ZNF177: variants seen among roughly 807,000 people sequenced by gnomAD.
The protein encoded by ZNF177 is zinc finger protein 177.
ZNF177 carries 17 observed loss-of-function variants against 19.4 expected under a neutral mutation model. That is an observed-to-expected ratio of 0.87 (90% CI 0.60 to 1.31). The LOEUF is 1.31. ZNF177 is among the 40% of genes most tolerant of loss of function. ZNF177 has a pLI of 0.00. For synonymous variants in ZNF177, 220 were observed against 188.7 expected, an observed-to-expected ratio of 1.17 and a Z score of -1.36; for missense variants, 633 against 561.8, an observed-to-expected ratio of 1.13 and a Z score of -1.28.
chr19:9,371,892 AAACT>A (rs797021074), upstream of ZNF177: 5 of 152,316 alleles, frequency 3.3e-5, no homozygotes, highest in African/African-American at 1.2e-4. Context: ...ATTGTTTTTT[AAACT>A]AACCATTTTA....
exon 6 of ZNF177, chr19:9,382,120 G>C (rs1230103051): frequency 5.0e-6 from 2 of 397,044 alleles, no homozygotes; most frequent in South Asian, 1.1e-4. Flanking sequence ...GTGGCAGACA[G>C]AACTAGTTGC....
At chr19:9,377,974 A>G (rs1407514095) in intron 1 of ZNF177, among the ~76,000 whole-genome samples, 1 of 152,166 alleles carries the variant, frequency 6.6e-6, no homozygotes, top group Non-Finnish European at 1.5e-5. Flanking sequence ...GTCACGGGTA[A>G]ATGATATTCA....
intron 1 of ZNF177, chr19:9,363,435 G>C (rs1233617666): frequency 8.5e-5 from 13 of 152,252 alleles, no homozygotes. Flanking sequence ...TTGTTAGAAG[G>C]CATATCTTGG....
chr19:9,381,711 C>CT lies in ZNF177; in HGVS notation c.1383dup (p.Ser462Ter). The CT allele has an allele frequency of 1.2e-6, 2 of 1,614,056 alleles. No homozygotes were observed. The highest frequency in any genetic ancestry group is 1.6e-4 in the Middle Eastern group (1 of 6,062). On this transcript the variant is annotated frameshift_variant, in exon 6 of 6. Coordinates refer to ENST00000589262, the Ensembl canonical transcript of ZNF177. LOFTEE classifies it low-confidence loss of function (END_TRUNC). Reference sequence around the variant, plus strand: ...ATAAATGTATTCAGTGTGAAAAAGCCTTTAGCACAAGCACTAACCTTATAA... The same window carrying CT: ...ATAAATGTATTCAGTGTGAAAAAGCCTTTTAGCACAAGCACTAACCTTATAA...
At position 9,369,932 on chromosome 19, in the gene ZNF177, G is replaced by A. The variant is rs558134936; in HGVS notation, c.-304-1678G>A. On this transcript the variant is annotated intron_variant, in intron 2 of 8. Coordinates refer to the ZNF177 transcript ENST00000343499. The stretch of plus-strand genomic sequence containing the variant: ...GATTGAGCTTATTTTTCCATGTCAC[G>A]AATTTGGTATTATTACCATTTTATA... Among the ~76,000 whole-genome samples, 69 of 152,056 alleles carry A rather than the reference G, an allele frequency of 4.5e-4. 1 individual carries two copies. The highest frequency in any genetic ancestry group is 1.6e-3 in the African/African-American group (65 of 41,514).
intron 4 of ZNF177, among the ~76,000 whole-genome samples, chr19:9,379,856 C>G (rs889113018): frequency 3.0e-5 from 3 of 99,824 alleles, no homozygotes; most frequent in Non-Finnish European, 6.5e-5. Context: ...ATTTCCCAAC[C>G]TCCACAATCC....
In ZNF177 at chr19:9,381,191, G is replaced by GT. The variant is rs2068194500; in HGVS notation, c.861dup (p.Asp288Ter). 6.2e-7 allele frequency: 1 copy of GT among 1,614,162 alleles called. No individual in the cohort carries two copies. Among genetic ancestry groups the GT allele is most frequent in the East Asian group, 2.2e-5 (1 of 44,880 alleles). Reference sequence around the variant, plus strand: ...TCTGGAGAGATGCCCTATGAATGCAGTGACTGTGGGAAAGCCTTCATTTTT... The same window carrying GT: ...TCTGGAGAGATGCCCTATGAATGCAGTTGACTGTGGGAAAGCCTTCATTTTT... On this transcript the variant is annotated frameshift_variant, in exon 6 of 6. Transcript: ENST00000589262. LOFTEE classifies it low-confidence loss of function (END_TRUNC).
Position 9,379,583 on chromosome 19 carries a change from A to G in ZNF177, c.217A>G (p.Thr73Ala), listed in dbSNP as rs951779512. 1.1e-5 allele frequency: 17 copies of G among 1,613,856 alleles called. No individual in the cohort carries two copies. In the African/African-American group the frequency reaches 1.9e-4, roughly 18 times the overall value. Residue 73 changes from threonine (T) to alanine (A), a missense_variant, in exon 4 of 6, where the codon ACA (threonine) becomes GCA (alanine). Physicochemically the swap from Thr to Ala is moderately conservative, Grantham distance 58 (BLOSUM62 0). Coordinates refer to ENST00000589262, the Ensembl canonical transcript of ZNF177. Reference sequence around the variant, plus strand: ...CAAGGTGGATCAAGAACAGCTGAAGACAGATGAAAGAGGAATTTTACAAGG... The same window carrying G: ...CAAGGTGGATCAAGAACAGCTGAAGGCAGATGAAAGAGGAATTTTACAAGG...
chr19:9,379,625 C>T lies in ZNF177; in HGVS notation c.253+6C>T. 1 of 1,613,122 alleles carries T rather than the reference C, an allele frequency of 6.2e-7. No individual in the cohort carries two copies. Among genetic ancestry groups the T allele is most frequent in the Non-Finnish European group, 8.5e-7 (1 of 1,179,636 alleles). On this transcript the variant is annotated splice_donor_region_variant and intron_variant, in intron 4 of 5. Coordinates refer to ENST00000589262, the Ensembl canonical transcript of ZNF177. ...TTTACAAGGTGACTGTGCAGGTGAG[C>T]CTTGGGCAGAACAGGGTGCAGCCTT... is the stretch of plus-strand genomic sequence containing the variant.
At chr19:9,380,450 CT>C (rs1396421570) in intron 5 of ZNF177, 9 of 908,046 alleles carry the variant, frequency 9.9e-6, no homozygotes, top group African/African-American at 1.7e-5. Flanking sequence ...TAAAGAAGCC[CT>C]TTGCTGGGAA....
chr19:9,366,533 A>G (rs183786205), intron 2 of ZNF177, among the ~76,000 whole-genome samples: 10 of 152,316 alleles, frequency 6.6e-5, no homozygotes, highest in Admixed American at 5.9e-4. Flanking sequence ...TGAGGATTAC[A>G]GGCATGAGTC....
chr19:9,380,986 T>C (rs1473925563), exon 6 of ZNF177: 1 of 1,555,140 alleles, frequency 6.4e-7, no homozygotes, highest in Non-Finnish European at 8.6e-7. Flanking sequence ...ACACTCTTCC[T>C]GCTCAGTACG....
chr19:9,374,626 ATAT>A (rs1387687328), upstream of ZNF177, among the ~76,000 whole-genome samples: 4 of 151,782 alleles, frequency 2.6e-5, no homozygotes, highest in African/African-American at 7.3e-5. Context: ...ACTCTTTTTG[ATAT>A]TATTATAAGT....
At chr19:9,380,525 C>G (rs887884446) in intron 5 of ZNF177, 143 bp from the exon 8 acceptor site, 1 of 1,502,648 alleles carries the variant, frequency 6.7e-7, no homozygotes, top group African/African-American at 1.4e-5. Flanking sequence ...GGGCAAAAGT[C>G]ATACGCACCT....
At chr19:9,374,578 G>A (rs1269636350), upstream of ZNF177, among the ~76,000 whole-genome samples, 1 of 151,926 alleles carries the variant, frequency 6.6e-6, no homozygotes, top group Non-Finnish European at 1.5e-5. Context: ...TTTCAGTGTT[G>A]AGATCATCTC....
chr19:9,373,231 C>A (rs2068069585), upstream of ZNF177, among the ~76,000 whole-genome samples: 1 of 152,120 alleles, frequency 6.6e-6, no homozygotes, highest in Admixed American at 6.5e-5. Flanking sequence ...TGAGGTCATG[C>A]GGTATTTGTC....
At chr19:9,368,901 A>C (rs10426170) in intron 2 of ZNF177, among the ~76,000 whole-genome samples, 83,290 of 151,878 alleles carry the variant, frequency 0.55, 23,025 homozygotes, top group Middle Eastern at 0.62. Context: ...TTATTAACTT[A>C]CAACTTAGTT....
intron 2 of ZNF177, among the ~76,000 whole-genome samples, chr19:9,365,641 C>T (rs998920849): frequency 6.6e-6 from 1 of 152,068 alleles, no homozygotes; most frequent in Non-Finnish European, 1.5e-5. Flanking sequence ...ATCAGGCAGG[C>T]GTCCCCGCAT....
intron 3 of ZNF177, 39 bp from the exon 6 acceptor site, chr19:9,379,488 C>T: frequency 6.3e-7 from 1 of 1,597,530 alleles, no homozygotes; most frequent in African/African-American, 1.3e-5. Flanking sequence ...ATTTAATTCT[C>T]ACACATTTCT....
Sources: gnomAD v4.1 joint callset for allele counts (sites outside exome capture counted in the v4.1 genomes callset) on GRCh38, gnomAD v4.1.1 for gene constraint, MANE v1.5 for transcripts, NCBI Gene and HGNC (gene_info 2026-07-23, HGNC 2026-07-21) for gene names.